CSMD1: variants seen among roughly 807,000 people sequenced by gnomAD.
The protein encoded by CSMD1 is CUB and sushi domain-containing protein 1.
Under a neutral mutation model 417.5 loss-of-function variants are expected in CSMD1, and 213 were observed. That is an observed-to-expected ratio of 0.51 (90% CI 0.46 to 0.57). The LOEUF (loss-of-function observed/expected upper bound fraction) is 0.57, where lower values mean the gene tolerates loss of function less well. Among genes scored for constraint, CSMD1 ranks in the 20% least tolerant of loss-of-function variants. CSMD1 has a pLI of 0.00. For missense variants in CSMD1, 6,923 were observed against 4,529.7 expected, an observed-to-expected ratio of 1.53 and a Z score of -15.17; for synonymous variants, 2,862 against 1,736.8, an observed-to-expected ratio of 1.65 and a Z score of -16.11.
intron 3 of CSMD1, among the ~76,000 whole-genome samples, chr8:4,363,221 G>T (rs529553236): frequency 1.3e-5 from 2 of 152,280 alleles, no homozygotes; most frequent in African/African-American, 4.8e-5. Flanking sequence ...CTTCCATGAT[G>T]ACCAAGGTCA....
chr8:3,299,495 T>C (rs948557737), intron 25 of CSMD1, among the ~76,000 whole-genome samples: 11 of 152,092 alleles, frequency 7.2e-5, no homozygotes, highest in African/African-American at 2.4e-4. Flanking sequence ...TAAGGAACTC[T>C]GTGATATCAG....
intron 47 of CSMD1, 71 bp downstream of exon 47, chr8:3,096,778 C>T: frequency 3.0e-6 from 3 of 1,006,204 alleles, no homozygotes; most frequent in Non-Finnish European, 4.3e-6. Flanking sequence ...CTTTATGTTA[C>T]TAAAACATTG....
At chr8:3,143,912 GT>G (rs1818672291) in intron 40 of CSMD1, among the ~76,000 whole-genome samples, 1 of 152,156 alleles carries the variant, frequency 6.6e-6, no homozygotes, top group Non-Finnish European at 1.5e-5. Context: ...GCAGTACTTT[GT>G]AAAAAGGAAG....
intron 1 of CSMD1, among the ~76,000 whole-genome samples, chr8:4,741,729 T>A (rs984612113): frequency 6.6e-6 from 1 of 152,126 alleles, no homozygotes; most frequent in African/African-American, 2.4e-5. Flanking sequence ...CCTGACATAG[T>A]AGCTTGTTAG....
chr8:4,515,389 G>C (rs761445159), intron 2 of CSMD1, among the ~76,000 whole-genome samples: 1 of 152,146 alleles, frequency 6.6e-6, no homozygotes, highest in Non-Finnish European at 1.5e-5. Context: ...TAAATGTTAT[G>C]GGACCCATGA....
chr8:3,140,774 G>C (rs1378125035), intron 41 of CSMD1, among the ~76,000 whole-genome samples: 5 of 151,372 alleles, frequency 3.3e-5, no homozygotes, highest in African/African-American at 7.3e-5. Flanking sequence ...AACCTCATTT[G>C]ATCTAGCAAT....
intron 21 of CSMD1, among the ~76,000 whole-genome samples, chr8:3,358,613 T>A (rs1808952994): frequency 6.6e-6 from 1 of 152,172 alleles, no homozygotes; most frequent in South Asian, 2.1e-4. Flanking sequence ...CGGAATTATC[T>A]CTTGGATTCC....
intron 10 of CSMD1, among the ~76,000 whole-genome samples, chr8:3,522,116 T>C (rs970485359): frequency 6.6e-6 from 1 of 152,236 alleles, no homozygotes; most frequent in Non-Finnish European, 1.5e-5. Flanking sequence ...TAACCCTCAA[T>C]TCTGTATTCT....
At chr8:3,750,636 G>T (rs540449461) in intron 6 of CSMD1, among the ~76,000 whole-genome samples, 34 of 152,260 alleles carry the variant, frequency 2.2e-4, no homozygotes, top group Admixed American at 1.1e-3. Context: ...CAAGAGGGAA[G>T]ATTCAGCTGA....
At chr8:3,982,428 C>T (rs1452632183) in intron 5 of CSMD1, among the ~76,000 whole-genome samples, 2 of 151,724 alleles carry the variant, frequency 1.3e-5, no homozygotes, top group Admixed American at 6.6e-5. Context: ...CACAATAAGA[C>T]ATGGAATTAA....
intron 3 of CSMD1, among the ~76,000 whole-genome samples, chr8:4,130,797 C>A (rs1201451981): frequency 6.6e-6 from 1 of 151,700 alleles, no homozygotes; most frequent in South Asian, 2.1e-4. Context: ...TCAATGCTTA[C>A]AAATTATATA....
At chr8:3,443,195 G>A (rs567102221) in intron 12 of CSMD1, among the ~76,000 whole-genome samples, 2 of 152,234 alleles carry the variant, frequency 1.3e-5, no homozygotes, top group East Asian at 3.9e-4. Flanking sequence ...GAGGATACAC[G>A]CACAAGGCTA....
intron 1 of CSMD1, among the ~76,000 whole-genome samples, chr8:4,742,729 G>A (rs947798241): frequency 6.6e-6 from 1 of 152,116 alleles, no homozygotes; most frequent in African/African-American, 2.4e-5. Context: ...AAAATGGCAA[G>A]TGGCAGAAAG....
rs557008303 is a variant in CSMD1 at position 4,620,803 on chromosome 8, C to A, written c.302+16539G>T. 2.6e-5 allele frequency among the ~76,000 whole-genome samples: 4 copies of A among 151,184 alleles called. No homozygotes were observed. In the South Asian group the frequency reaches 8.4e-4, roughly 32 times the overall value. ...TACTTATTTATAAAAAAGAGAGAGCCAAATTAGTGACTTTATATTCCACTT... is the reference window on the plus strand; with the variant it reads ...TACTTATTTATAAAAAAGAGAGAGCAAAATTAGTGACTTTATATTCCACTT... On this transcript the variant is annotated intron_variant, in intron 2 of 69. Coordinates refer to ENST00000635120, the MANE Select transcript of CSMD1 (RefSeq NM_033225.6).
intron 3 of CSMD1, among the ~76,000 whole-genome samples, chr8:4,390,098 A>G (rs889729423): frequency 6.6e-6 from 1 of 152,196 alleles, no homozygotes; most frequent in African/African-American, 2.4e-5. Context: ...TCTCCTAAAC[A>G]TTTGGTATTC....
chr8:4,101,986 G>A (rs138230687), intron 3 of CSMD1, among the ~76,000 whole-genome samples: 40 of 152,262 alleles, frequency 2.6e-4, no homozygotes, highest in African/African-American at 8.9e-4. Context: ...TGGTGTTGGG[G>A]ACTGGGGACC....
chr8:3,510,204 G>C (rs987803988), intron 10 of CSMD1, among the ~76,000 whole-genome samples: 3 of 149,848 alleles, frequency 2.0e-5, no homozygotes, highest in Non-Finnish European at 4.4e-5. Flanking sequence ...TGTGGGGCTG[G>C]ACATCAGGGA....
At chr8:4,103,186 G>C (rs1801393195) in intron 3 of CSMD1, among the ~76,000 whole-genome samples, 1 of 151,816 alleles carries the variant, frequency 6.6e-6, no homozygotes, top group South Asian at 2.1e-4. Context: ...ACCAGTAACA[G>C]CAACATTTTC....
chr8:4,406,876 A>C (rs1805061908), intron 3 of CSMD1, among the ~76,000 whole-genome samples: 1 of 152,214 alleles, frequency 6.6e-6, no homozygotes, highest in Non-Finnish European at 1.5e-5. Context: ...GCTCGTATTG[A>C]GGGCCATTTA....
Sources: gnomAD v4.1 joint callset for allele counts (sites outside exome capture counted in the v4.1 genomes callset) on GRCh38, gnomAD v4.1.1 for gene constraint, MANE v1.5 for transcripts, NCBI Gene and HGNC (gene_info 2026-07-23, HGNC 2026-07-21) for gene names.